RORA: variants seen among roughly 807,000 people sequenced by gnomAD.
RORA encodes the protein nuclear receptor ROR-alpha.
A neutral mutation model predicts 69.5 loss-of-function variants in RORA; 7 were observed. The ratio of observed to expected loss-of-function variants is 0.10; its 90% CI spans 0.06 to 0.19. The LOEUF is 0.19. Among genes scored for constraint, RORA ranks in the 10% least tolerant of loss-of-function variants. The pLI is 1.00. For missense variants in RORA, 457 were observed against 663.0 expected, an observed-to-expected ratio of 0.69 and a Z score of 3.41; for synonymous variants, 261 against 240.8, an observed-to-expected ratio of 1.08 and a Z score of -0.78.
At chr15:60,844,686 G>A (rs1294553455) in intron 1 of RORA, among the ~76,000 whole-genome samples, 1 of 152,166 alleles carries the variant, frequency 6.6e-6, no homozygotes, top group Non-Finnish European at 1.5e-5. Flanking sequence ...GATACCCTCA[G>A]CGAGGCCCAG....
At chr15:60,761,626 T>C (rs567239024) in intron 1 of RORA, among the ~76,000 whole-genome samples, 31 of 152,334 alleles carry the variant, frequency 2.0e-4, no homozygotes, top group African/African-American at 6.7e-4. Context: ...ACCTCTCCTA[T>C]GGTGTGCCTG....
chr15:60,825,166 T>C (rs2072940059), intron 1 of RORA, among the ~76,000 whole-genome samples: 1 of 152,206 alleles, frequency 6.6e-6, no homozygotes. Context: ...TCTAAATTCT[T>C]GTGCCACTGT....
At chr15:61,202,067 G>C (rs917075703) in intron 1 of RORA, among the ~76,000 whole-genome samples, 40 of 150,608 alleles carry the variant, frequency 2.7e-4, no homozygotes, top group Non-Finnish European at 5.6e-4. Flanking sequence ...GAGTGCAGTG[G>C]TGCGATCTCA....
chr15:60,690,925 A>T (rs1051813087), intron 1 of RORA, among the ~76,000 whole-genome samples: 3 of 152,150 alleles, frequency 2.0e-5, no homozygotes, highest in Non-Finnish European at 4.4e-5. Context: ...GACTTTTTGA[A>T]CTATAAATCC....
intron 1 of RORA, among the ~76,000 whole-genome samples, chr15:60,809,277 T>C (rs2072708349): frequency 6.6e-6 from 1 of 152,208 alleles, no homozygotes; most frequent in South Asian, 2.1e-4. Flanking sequence ...AATTGGTAAA[T>C]TGTGTGGTAC....
intron 10 of RORA, 81 bp downstream of exon 10, chr15:60,499,811 G>A: frequency 1.3e-6 from 1 of 741,140 alleles, no homozygotes; most frequent in Non-Finnish European, 2.3e-6. Context: ...TTGGTCATAT[G>A]ACTTACATGA....
chr15:60,784,718 C>T (rs149813323), intron 1 of RORA, among the ~76,000 whole-genome samples: 82 of 152,330 alleles, frequency 5.4e-4, no homozygotes, highest in African/African-American at 1.8e-3. Context: ...TGCTATTTAA[C>T]AGCTGTATGA....
chr15:60,595,922 G>C (rs2068656883), intron 2 of RORA, among the ~76,000 whole-genome samples: 2 of 152,178 alleles, frequency 1.3e-5, no homozygotes, highest in Non-Finnish European at 2.9e-5. Flanking sequence ...TCCACACTGA[G>C]TCTGCCACAC....
chr15:60,970,413 T>C (rs1226660629), intron 1 of RORA, among the ~76,000 whole-genome samples: 1 of 152,156 alleles, frequency 6.6e-6, no homozygotes, highest in Non-Finnish European at 1.5e-5. Flanking sequence ...CCGCAAACAT[T>C]ATTTCAGCAA....
intron 2 of RORA, among the ~76,000 whole-genome samples, chr15:60,574,912 C>T (rs985118672): frequency 6.6e-6 from 1 of 152,048 alleles, no homozygotes; most frequent in African/African-American, 2.4e-5. Context: ...TTTCTTATTT[C>T]TGTATCTTGT....
At chr15:60,627,473 CTGGGTGGAGAA>C (rs2069621390) in intron 2 of RORA, 1 of 1,565,062 alleles carries the variant, frequency 6.4e-7, no homozygotes, top group African/African-American at 1.4e-5. Context: ...GCTCCAACAG[CTGGGTGGAGAA>C]TGATGGGGAG....
chr15:60,803,315 C>T (rs985167434), intron 1 of RORA, among the ~76,000 whole-genome samples: 1 of 152,132 alleles, frequency 6.6e-6, no homozygotes, highest in Non-Finnish European at 1.5e-5. Context: ...AAGGAAGAAC[C>T]TACGCAATTC....
At chr15:61,009,695 A>C (rs1202281642) in intron 1 of RORA, among the ~76,000 whole-genome samples, 2 of 152,212 alleles carry the variant, frequency 1.3e-5, no homozygotes, top group Non-Finnish European at 2.9e-5. Flanking sequence ...ACACTTACTT[A>C]AACTGATTTC....
chr15:60,833,200 G>C (rs892511070), intron 1 of RORA, among the ~76,000 whole-genome samples: 1 of 150,160 alleles, frequency 6.7e-6, no homozygotes, highest in Non-Finnish European at 1.5e-5. Flanking sequence ...ACCATGCCCA[G>C]CCGAGTCTTC....
At chr15:61,094,021 T>C (rs981789080) in intron 1 of RORA, among the ~76,000 whole-genome samples, 1 of 152,318 alleles carries the variant, frequency 6.6e-6, no homozygotes, top group African/African-American at 2.4e-5. Flanking sequence ...AGGTTCAACA[T>C]GGCCTAGGGC....
intron 2 of RORA, among the ~76,000 whole-genome samples, chr15:60,664,839 C>T (rs553010826): frequency 6.6e-6 from 1 of 152,284 alleles, no homozygotes; most frequent in Non-Finnish European, 1.5e-5. Flanking sequence ...TCCACTCAAG[C>T]AATTGATACT....
chr15:60,683,174 A>G lies in RORA; in HGVS notation c.167-4488T>C, dbSNP rs563475736. 8.5e-5 allele frequency among the ~76,000 whole-genome samples: 13 copies of G among 152,136 alleles called. No homozygotes were observed. The South Asian group carries it at 2.5e-3, about 29-fold the overall frequency. On this transcript the variant is annotated intron_variant, in intron 1 of 10. Coordinates refer to ENST00000335670, the MANE Select transcript of RORA (RefSeq NM_134261.3). ...TACAGGCATGTGGCACCATGCCCAG[A>G]GAATTTTTACTTTTTTTGTAGAGAT...
chr15:60,972,533 T>C (rs1385527262), intron 1 of RORA, among the ~76,000 whole-genome samples: 1 of 152,196 alleles, frequency 6.6e-6, no homozygotes, highest in Non-Finnish European at 1.5e-5. Context: ...GTGTTCGTTA[T>C]GAGTATGGCT....
At chr15:60,799,863 G>A (rs1170975952) in intron 1 of RORA, among the ~76,000 whole-genome samples, 1 of 152,190 alleles carries the variant, frequency 6.6e-6, no homozygotes, top group Non-Finnish European at 1.5e-5. Context: ...AGATAGGAAT[G>A]GATCAGTCTT....
Sources: allele counts gnomAD v4.1 joint callset (sites outside exome capture counted in the v4.1 genomes callset), GRCh38; gene constraint gnomAD v4.1.1; transcripts MANE v1.5; gene names NCBI Gene and HGNC (gene_info 2026-07-23, HGNC 2026-07-21).